SPHK1: variants seen among roughly 807,000 people sequenced by gnomAD.
SPHK1 encodes sphingosine kinase 1.
A neutral mutation model predicts 14.6 loss-of-function variants in SPHK1; 10 were observed. The ratio of observed to expected loss-of-function variants is 0.68; its 90% CI spans 0.42 to 1.16. SPHK1 has a LOEUF of 1.16. Among genes scored for constraint, SPHK1 ranks in the 50% most tolerant of loss-of-function variants. The pLI, the probability that SPHK1 is intolerant of heterozygous loss-of-function variation, is 0.00. For synonymous variants in SPHK1, 274 were observed against 224.0 expected, an observed-to-expected ratio of 1.22 and a Z score of -1.99; for missense variants, 553 against 525.4, an observed-to-expected ratio of 1.05 and a Z score of -0.51.
In SPHK1 at chr17:76,385,384, G is replaced by A. The variant is rs953464071; in HGVS notation, c.-194-67G>A. 1 of 1,456,546 alleles carries A rather than the reference G, an allele frequency of 6.9e-7. No homozygotes were observed. Among genetic ancestry groups the A allele is most frequent in the South Asian group, 1.4e-5 (1 of 72,690 alleles). 90.2% of individuals were successfully genotyped at this position (1,456,546 alleles called of 1,614,324 possible). On this transcript the variant is annotated intron_variant, in intron 1 of 5. Transcript: ENST00000592299. This position sits in a 1 kb window ranked among gnomAD's most constrained non-coding sequence, Gnocchi z 5.3. ...TCCCCGCGCGTGGTCCCGGGATTTA[G>A]TCGGGCGCTCCCCACCTCTGGCAGC...
rs762145427 is a variant in SPHK1 at position 76,386,841 on chromosome 17, A to G, written c.410A>G (p.Asn137Ser). The G allele has an allele frequency of 6.3e-7, 1 of 1,577,442 alleles. No individual in the cohort carries two copies. The highest frequency in any genetic ancestry group is 1.2e-5 in the South Asian group (1 of 85,964). The change falls in exon 6 of 6, where the codon AAC (asparagine) becomes AGC (serine). Residue 137 changes from asparagine (N) to serine (S), a missense_variant. Coordinates refer to ENST00000592299, the MANE Select transcript of SPHK1 (RefSeq NM_001142601.2). This position sits in a 1 kb window ranked among gnomAD's most constrained non-coding sequence, Gnocchi z 5.3. ...EQVTNEDLLT[N>S]CTLLLCRRLL... Reference sequence around the variant, plus strand: ...GTCACCAATGAAGACCTCCTGACCAACTGCACGCTATTGCTGTGCCGCCGG... The same window carrying G: ...GTCACCAATGAAGACCTCCTGACCAGCTGCACGCTATTGCTGTGCCGCCGG...
chr17:76,386,014 C>T lies in SPHK1; in HGVS notation c.40C>T (p.Pro14Ser). 1 of 1,604,624 alleles carries T rather than the reference C, an allele frequency of 6.2e-7. No homozygotes were observed. ...AGGPRGVLPR[P>S]CRVLVLLNPR... ...CGGCCCCCGGGGCGTGCTCCCGCGG[C>T]CCTGCCGCGTGCTGGTGCTGCTGAA... The change falls in exon 3 of 6, where the codon CCC (proline) becomes TCC (serine). Residue 14 changes from proline to serine, a missense_variant. Transcript: ENST00000592299. The surrounding 1 kb of genome is among the most constrained non-coding windows in gnomAD (Gnocchi z 5.3).
At position 76,386,836 on chromosome 17, in the gene SPHK1, G is replaced by T; in HGVS notation, c.405G>T (p.Leu135=). The change falls in exon 6 of 6, where the codon CTG becomes CTT. Residue 135 remains leucine (L), a synonymous_variant. Coordinates refer to ENST00000592299, the MANE Select transcript of SPHK1 (RefSeq NM_001142601.2). The surrounding 1 kb of genome is among the most constrained non-coding windows in gnomAD (Gnocchi z 5.3). ...GYEQVTNEDL[L]TNCTLLLCRR... is the part of the protein sequence containing the mutation. ...AGCAGGTCACCAATGAAGACCTCCT[G>T]ACCAACTGCACGCTATTGCTGTGCC... 1 of 1,572,468 alleles carries T rather than the reference G, an allele frequency of 6.4e-7. No individual in the cohort carries two copies. Among genetic ancestry groups the T allele is most frequent in the South Asian group, 1.2e-5 (1 of 84,960 alleles).
chr17:76,385,206 C>G lies in SPHK1; in HGVS notation c.-194-245C>G. The G allele has an allele frequency of 1.9e-6, 3 of 1,562,224 alleles. No individual in the cohort carries two copies. Among genetic ancestry groups the G allele is most frequent in the Non-Finnish European group, 2.6e-6 (3 of 1,154,404 alleles). Reference sequence around the variant, plus strand: ...GTCCGTCGGAGGGAGCCACGGGGCTCTGACTCATCCGTCGGGCCGGAACCG... The same window carrying G: ...GTCCGTCGGAGGGAGCCACGGGGCTGTGACTCATCCGTCGGGCCGGAACCG... On this transcript the variant is annotated intron_variant, in intron 1 of 5. Transcript: ENST00000592299. The surrounding 1 kb of genome is among the most constrained non-coding windows in gnomAD (Gnocchi z 5.3).
rs2071953504 is a variant in SPHK1, at chr17:76,385,499, C to G, written c.-146C>G. 6.4e-7 allele frequency: 1 copy of G among 1,555,426 alleles called. No individual in the cohort carries two copies. On this transcript the variant is annotated 5_prime_UTR_variant, in exon 2 of 6. Transcript: ENST00000592299. This position sits in a 1 kb window ranked among gnomAD's most constrained non-coding sequence, Gnocchi z 5.3. ...GCCGGTGCTCCTGCAGCCACGGCTC[C>G]GGGCGGGGAAGGCGAGCCCCACAGC...
In SPHK1 at chr17:76,385,068, T is replaced by C. The variant is rs1416544687; in HGVS notation, c.-195+262T>C. Reference sequence around the variant, plus strand: ...CAGGGGACACGGCAACCTGGATGGCTGGGGCAGGGATCCTCTCCCAGAACT... The same window carrying C: ...CAGGGGACACGGCAACCTGGATGGCCGGGGCAGGGATCCTCTCCCAGAACT... On this transcript the variant is annotated intron_variant, in intron 1 of 5. Coordinates refer to ENST00000592299, the MANE Select transcript of SPHK1 (RefSeq NM_001142601.2). This position sits in a 1 kb window ranked among gnomAD's most constrained non-coding sequence, Gnocchi z 5.3. 6.5e-7 allele frequency: 1 copy of C among 1,546,194 alleles called. No individual in the cohort carries two copies.
rs2071946695 is a variant in SPHK1, at chr17:76,385,332, GCT to G, written c.-194-114_-194-113del. ...GCGCCCTCGGAGGCACCGGACCTCA[GCT>G]CTCTGGACTTCCCGGGAACCTGGCT... On this transcript the variant is annotated intron_variant, in intron 1 of 5. Transcript: ENST00000592299. This position sits in a 1 kb window ranked among gnomAD's most constrained non-coding sequence, Gnocchi z 5.3. The G allele has an allele frequency of 6.9e-7, 1 of 1,454,132 alleles. No homozygotes were observed. The allele number at this position is 1,454,132 out of a possible 1,614,324, so 90.1% of individuals were successfully genotyped here. A position where few individuals can be genotyped will look rare whatever the true frequency, so the allele number is the denominator to read the frequency against.
At position 76,385,553 on chromosome 17, in the gene SPHK1, C is replaced by G. The variant is rs758489343; in HGVS notation, c.-92C>G. 1 of 1,540,360 alleles carries G rather than the reference C, an allele frequency of 6.5e-7. No individual in the cohort carries two copies. The highest frequency in any genetic ancestry group is 8.7e-7 in the Non-Finnish European group (1 of 1,149,796). On this transcript the variant is annotated 5_prime_UTR_variant, in exon 2 of 6. Transcript: ENST00000592299. The surrounding 1 kb of genome is among the most constrained non-coding windows in gnomAD (Gnocchi z 5.3). ...CCCTGCGACGCCCGCCTGGGCAGCACCGATAAGGAGCTGAAGGCAGGAGCC... is the reference window on the plus strand; with the variant it reads ...CCCTGCGACGCCCGCCTGGGCAGCAGCGATAAGGAGCTGAAGGCAGGAGCC...
chr17:76,385,519 C>A lies in SPHK1; in HGVS notation c.-126C>A. On this transcript the variant is annotated 5_prime_UTR_variant, in exon 2 of 6. Transcript: ENST00000592299. The surrounding 1 kb of genome is among the most constrained non-coding windows in gnomAD (Gnocchi z 5.3). ...GGCTCCGGGCGGGGAAGGCGAGCCCCACAGCCGGCCCTGCGACGCCCGCCT... is the reference window on the plus strand; with the variant it reads ...GGCTCCGGGCGGGGAAGGCGAGCCCAACAGCCGGCCCTGCGACGCCCGCCT... The A allele has an allele frequency of 6.5e-7, 1 of 1,546,148 alleles. No homozygotes were observed. The highest frequency in any genetic ancestry group is 8.7e-7 in the Non-Finnish European group (1 of 1,153,220).
Position 76,386,581 on chromosome 17 carries a change from C to T in SPHK1, c.374+73C>T. 1 of 1,402,786 alleles carries T rather than the reference C, an allele frequency of 7.1e-7. No individual in the cohort carries two copies. The highest frequency in any genetic ancestry group is 9.8e-7 in the Non-Finnish European group (1 of 1,023,698). 86.9% of individuals were successfully genotyped at this position (1,402,786 alleles called of 1,614,324 possible). On this transcript the variant is annotated intron_variant, in intron 5 of 5. Transcript: ENST00000592299. The surrounding 1 kb of genome is among the most constrained non-coding windows in gnomAD (Gnocchi z 5.3). ...TACCGCGGGGGTTTTCTTGTCTAAG[C>T]TCCCATAGGCTGAGATCATTTCCAT...
chr17:76,387,614 C>G lies in SPHK1; in HGVS notation c.*28C>G, dbSNP rs1381846116. 2 of 1,542,752 alleles carry G rather than the reference C, an allele frequency of 1.3e-6. No individual in the cohort carries two copies. Among genetic ancestry groups the G allele is most frequent in the Non-Finnish European group, 1.7e-6 (2 of 1,148,686 alleles). On this transcript the variant is annotated 3_prime_UTR_variant, in exon 6 of 6. Coordinates refer to ENST00000592299, the MANE Select transcript of SPHK1 (RefSeq NM_001142601.2). This position sits in a 1 kb window ranked among gnomAD's most constrained non-coding sequence, Gnocchi z 4.1. Reference sequence around the variant, plus strand: ...CCTGGGCCGCGCTGTGCCTTAGTGTCTACTTGCAGGACCCTTCCTCCTTCC... The same window carrying G: ...CCTGGGCCGCGCTGTGCCTTAGTGTGTACTTGCAGGACCCTTCCTCCTTCC...
At position 76,386,041 on chromosome 17, in the gene SPHK1, CCGCG is replaced by C; in HGVS notation, c.70_73del (p.Arg24AlafsTer27). On this transcript the variant is annotated frameshift_variant, in exon 3 of 6. Transcript: ENST00000592299. LOFTEE classifies it high-confidence loss of function. This position sits in a 1 kb window ranked among gnomAD's most constrained non-coding sequence, Gnocchi z 5.3. Reference sequence around the variant, plus strand: ...CTGCCGCGTGCTGGTGCTGCTGAACCCGCGCGGCGGCAAGGGCAAGGCCTTGCAG... The same window carrying C: ...CTGCCGCGTGCTGGTGCTGCTGAACCCGGCGGCAAGGGCAAGGCCTTGCAG... 1.9e-6 allele frequency: 3 copies of C among 1,608,138 alleles called. No homozygotes were observed. Among genetic ancestry groups the C allele is most frequent in the Non-Finnish European group, 2.5e-6 (3 of 1,177,264 alleles).
chr17:76,385,225 G>T lies in SPHK1; in HGVS notation c.-194-226G>T. On this transcript the variant is annotated intron_variant, in intron 1 of 5. Coordinates refer to ENST00000592299, the MANE Select transcript of SPHK1 (RefSeq NM_001142601.2). The surrounding 1 kb of genome is among the most constrained non-coding windows in gnomAD (Gnocchi z 5.3). Reference sequence around the variant, plus strand: ...GGGGCTCTGACTCATCCGTCGGGCCGGAACCGAACCCCAAGCCCCAGGGAG... The same window carrying T: ...GGGGCTCTGACTCATCCGTCGGGCCTGAACCGAACCCCAAGCCCCAGGGAG... The T allele has an allele frequency of 3.9e-6, 6 of 1,547,716 alleles. No individual in the cohort carries two copies. Among genetic ancestry groups the T allele is most frequent in the Non-Finnish European group, 5.2e-6 (6 of 1,146,170 alleles).
rs1406991207 is a variant in SPHK1, at chr17:76,386,417, C to T, written c.283C>T (p.Pro95Ser). The stretch of plus-strand genomic sequence containing the variant: ...GGTGGTGAACGGGCTCATGGAGCGG[C>T]CTGACTGGGAGACCGCCATCCAGAA... ...HEVVNGLMERPDWETAIQKPL... is the reference protein window; with the variant it reads ...HEVVNGLMERSDWETAIQKPL... Residue 95 changes from proline to serine, a missense_variant, in exon 5 of 6, where the codon CCT becomes TCT. Transcript: ENST00000592299. The surrounding 1 kb of genome is among the most constrained non-coding windows in gnomAD (Gnocchi z 5.3). 9.3e-6 allele frequency: 15 copies of T among 1,612,528 alleles called. No individual in the cohort carries two copies. The highest frequency in any genetic ancestry group is 1.1e-5 in the Non-Finnish European group (13 of 1,179,732).
chr17:76,383,512 T>C (rs910150114), upstream of SPHK1: 2 of 238,056 alleles, frequency 8.4e-6, no homozygotes, highest in African/African-American at 4.8e-5. Context: ...TTCTCGACTT[T>C]AAGAAGCGAT....
At position 76,386,021 on chromosome 17, in the gene SPHK1, G is replaced by T; in HGVS notation, c.47G>T (p.Arg16Leu). 6.2e-7 allele frequency: 1 copy of T among 1,605,214 alleles called. No homozygotes were observed. Among genetic ancestry groups the T allele is most frequent in the East Asian group, 2.2e-5 (1 of 44,624 alleles). Residue 16 changes from arginine to leucine, a missense_variant, in exon 3 of 6, where the codon CGC becomes CTC. Coordinates refer to ENST00000592299, the MANE Select transcript of SPHK1 (RefSeq NM_001142601.2). This position sits in a 1 kb window ranked among gnomAD's most constrained non-coding sequence, Gnocchi z 5.3. ...CGGGGCGTGCTCCCGCGGCCCTGCC[G>T]CGTGCTGGTGCTGCTGAACCCGCGC... The part of the protein sequence containing the change: ...GPRGVLPRPC[R>L]VLVLLNPRGG...
In SPHK1 at chr17:76,386,793, T is replaced by C; in HGVS notation, c.375-13T>C. On this transcript the variant is annotated splice_polypyrimidine_tract_variant and intron_variant, in intron 5 of 5. Coordinates refer to ENST00000592299, the MANE Select transcript of SPHK1 (RefSeq NM_001142601.2). This position sits in a 1 kb window ranked among gnomAD's most constrained non-coding sequence, Gnocchi z 5.3. ...GCTCCTGTCCTGCCTTATCTGACTT[T>C]TTCCCCCTGCAGCTATGAGCAGGTC... is the stretch of plus-strand genomic sequence containing the variant. 14 of 1,528,384 alleles carry C rather than the reference T, an allele frequency of 9.2e-6. No homozygotes were observed. Among genetic ancestry groups the C allele is most frequent in the Non-Finnish European group, 1.2e-5 (14 of 1,137,772 alleles). 94.7% of individuals were successfully genotyped at this position (1,528,384 alleles called of 1,614,324 possible).
chr17:76,386,321 G>A lies in SPHK1; in HGVS notation c.258+6G>A. 3.7e-6 allele frequency: 6 copies of A among 1,606,080 alleles called. No individual in the cohort carries two copies. Among genetic ancestry groups the A allele is most frequent in the Non-Finnish European group, 5.1e-6 (6 of 1,178,680 alleles). Reference sequence around the variant, plus strand: ...GAGACGGGCTGATGCACGAGGTGAGGACCGCACTGCGCGGCTAGGCCTGGG... The same window carrying A: ...GAGACGGGCTGATGCACGAGGTGAGAACCGCACTGCGCGGCTAGGCCTGGG... On this transcript the variant is annotated splice_donor_region_variant and intron_variant, in intron 4 of 5. Transcript: ENST00000592299. The surrounding 1 kb of genome is among the most constrained non-coding windows in gnomAD (Gnocchi z 5.3).
At chr17:76,384,120 G>C, upstream of SPHK1, 1 of 274,572 alleles carries the variant, frequency 3.6e-6, no homozygotes, top group South Asian at 2.8e-5. Context: ...TCGAATTTCG[G>C]GTGGGCTAGG....
Sources: allele counts gnomAD v4.1 joint callset, GRCh38; gene constraint gnomAD v4.1.1; non-coding constraint Gnocchi (gnomAD v3.1); transcripts MANE v1.5; gene names NCBI Gene and HGNC (gene_info 2026-07-23, HGNC 2026-07-21).